CTNNA2: variants seen among roughly 807,000 people sequenced by gnomAD.
The protein encoded by CTNNA2 is catenin alpha-2.
A neutral mutation model predicts 101.0 loss-of-function variants in CTNNA2; 42 were observed. The ratio of observed to expected loss-of-function variants is 0.42; its 90% CI spans 0.32 to 0.54. The LOEUF is 0.54. Among genes scored for constraint, CTNNA2 ranks in the 20% least tolerant of loss-of-function variants. The probability of loss-of-function intolerance (pLI) is 0.14; values close to 1 mark genes in which losing one functional copy is unlikely to be tolerated. For missense variants in CTNNA2, 871 were observed against 1,223.1 expected (o/e 0.71, Z 4.29); for synonymous variants, 450 against 456.4 (o/e 0.99, Z 0.18).
chr2:80,346,527 C>A lies in CTNNA2; in HGVS notation c.1057-46684C>A, dbSNP rs115317155. Among the ~76,000 whole-genome samples the A allele has an allele frequency of 2.1e-3, 316 of 152,306 alleles. 6 individuals carry two copies. The South Asian group carries it at 0.023, about 11-fold the overall frequency. ...GTCCACCCTCCAACATTGGGGATTA[C>A]AATTCAACATGAAATTGGGGTGGGG... On this transcript the variant is annotated intron_variant, in intron 7 of 18. Transcript: ENST00000402739.
At chr2:80,463,051 C>T (rs955562992) in intron 9 of CTNNA2, among the ~76,000 whole-genome samples, 1 of 152,138 alleles carries the variant, frequency 6.6e-6, no homozygotes, top group African/African-American at 2.4e-5. Context: ...TTTTACCTGA[C>T]TCCCTAGGAG....
intron 7 of CTNNA2, among the ~76,000 whole-genome samples, chr2:79,979,249 G>C (rs1691084425): frequency 6.6e-6 from 1 of 152,264 alleles, no homozygotes; most frequent in South Asian, 2.1e-4. Flanking sequence ...CAGGTGCAGT[G>C]GTGCCTGCCT....
At chr2:79,526,250 C>CTA (rs1453814793) in intron 1 of CTNNA2, among the ~76,000 whole-genome samples, 1 of 151,822 alleles carries the variant, frequency 6.6e-6, no homozygotes, top group Non-Finnish European at 1.5e-5. Context: ...ATAAAACAAT[C>CTA]TATACTGTTA....
intron 6 of CTNNA2, among the ~76,000 whole-genome samples, chr2:79,894,060 TTCTTCC>T (rs1458329865): frequency 4.7e-4 from 26 of 55,260 alleles, no homozygotes; most frequent in African/African-American, 1.3e-3. Flanking sequence ...CTTCTTCTTC[TTCTTCC>T]TCCTCCTCCT....
intron 7 of CTNNA2, among the ~76,000 whole-genome samples, chr2:80,036,133 A>T (rs1695634145): frequency 6.6e-6 from 1 of 152,344 alleles, no homozygotes; most frequent in South Asian, 2.1e-4. Flanking sequence ...GGATAGAAGC[A>T]GTGCGATAAT....
At chr2:80,153,552 C>T (rs1178478046) in intron 7 of CTNNA2, among the ~76,000 whole-genome samples, 1 of 152,156 alleles carries the variant, frequency 6.6e-6, no homozygotes, top group Non-Finnish European at 1.5e-5. Context: ...TTTCTCTTTG[C>T]ATCAGATCAG....
intron 7 of CTNNA2, among the ~76,000 whole-genome samples, chr2:80,367,327 C>G (rs944030817): frequency 1.3e-5 from 2 of 152,098 alleles, no homozygotes; most frequent in Non-Finnish European, 2.9e-5. Context: ...CTCCGACTGA[C>G]TAGTCTTGTA....
intron 7 of CTNNA2, among the ~76,000 whole-genome samples, chr2:80,066,733 A>G (rs1698007224): frequency 6.6e-6 from 1 of 152,216 alleles, no homozygotes; most frequent in Non-Finnish European, 1.5e-5. Flanking sequence ...TGCCACTACT[A>G]GCTGTATATC....
intron 7 of CTNNA2, among the ~76,000 whole-genome samples, chr2:80,240,505 G>C (rs564108030): frequency 1.3e-5 from 2 of 152,110 alleles, no homozygotes; most frequent in African/African-American, 2.4e-5. Flanking sequence ...ATTATCTCTC[G>C]AGTATAGCCC....
chr2:79,701,071 C>A (rs1316778573), intron 2 of CTNNA2, among the ~76,000 whole-genome samples: 2 of 152,046 alleles, frequency 1.3e-5, no homozygotes, highest in Non-Finnish European at 2.9e-5. Flanking sequence ...TTTTTAGAAT[C>A]CATGAGAATA....
rs1671121016 is a variant in CTNNA2, at chr2:79,482,612, GTTCC to G, written c.-134-22440_-134-22437del. Among the ~76,000 whole-genome samples the G allele has an allele frequency of 1.3e-5, 2 of 152,020 alleles. 1 individual carries two copies. The highest frequency in any genetic ancestry group is 4.1e-4 in the South Asian group (2 of 4,826). On this transcript the variant is annotated intron_variant, in intron 4 of 21. Coordinates refer to the CTNNA2 transcript ENST00000466387. ...AAAATGAGAGCATCATATTGTTCCA[GTTCC>G]TATCTCAGAACTCTATTCAAAGAGG...
intron 7 of CTNNA2, among the ~76,000 whole-genome samples, chr2:80,056,667 C>T (rs1456390111): frequency 5.3e-5 from 8 of 152,140 alleles, no homozygotes; most frequent in Non-Finnish European, 2.9e-5. Context: ...TTTGCTTTAT[C>T]GCCCAATGCA....
At chr2:79,850,637 A>C (rs527724861) in intron 3 of CTNNA2, among the ~76,000 whole-genome samples, 1 of 152,328 alleles carries the variant, frequency 6.6e-6, no homozygotes, top group Non-Finnish European at 1.5e-5. Flanking sequence ...CCGCAGAGCC[A>C]GACAGATTTT....
chr2:80,611,584 C>T (rs1365144322), intron 17 of CTNNA2, among the ~76,000 whole-genome samples: 1 of 151,426 alleles, frequency 6.6e-6, no homozygotes, highest in Non-Finnish European at 1.5e-5. Flanking sequence ...TGCTAGGTTT[C>T]ACAGGGTTTA....
chr2:80,231,723 T>C (rs1362674688), intron 7 of CTNNA2, among the ~76,000 whole-genome samples: 1 of 152,166 alleles, frequency 6.6e-6, no homozygotes, highest in Non-Finnish European at 1.5e-5. Flanking sequence ...TAGCATCACA[T>C]GACAGACAGC....
Position 80,305,453 on chromosome 2 carries a change from C to G in CTNNA2, c.1057-87758C>G, listed in dbSNP as rs545173716. On this transcript the variant is annotated intron_variant, in intron 7 of 18. Transcript: ENST00000402739. ...CTGACATGGGGAGGGCTTACCCTGA[C>G]TTGTGCTGTTCATGGTGATTACTGG... is the stretch of plus-strand genomic sequence containing the variant. 19 of 881,288 alleles carry G rather than the reference C, an allele frequency of 2.2e-5. No individual in the cohort carries two copies. In the South Asian group the frequency reaches 9.4e-4, roughly 44 times the overall value. 54.6% of individuals were successfully genotyped at this position (881,288 alleles called of 1,614,324 possible).
intron 2 of CTNNA2, among the ~76,000 whole-genome samples, chr2:79,280,024 T>C (rs938035445): frequency 6.6e-6 from 1 of 152,128 alleles, no homozygotes; most frequent in Admixed American, 6.6e-5. Flanking sequence ...CGCAAACTTA[T>C]TTGCATGTCT....
chr2:79,322,149 C>G lies in CTNNA2; in HGVS notation c.-318+9353C>G, dbSNP rs556408699. On this transcript the variant is annotated intron_variant, in intron 3 of 21. Coordinates refer to the CTNNA2 transcript ENST00000466387. ...AAGAGCTATCCTGGAAATGATCCCC[C>G]AGTCCGAGATTACCCTCCCGAAGGA... 3.3e-5 allele frequency among the ~76,000 whole-genome samples: 5 copies of G among 152,298 alleles called. No individual in the cohort carries two copies. In the South Asian group the frequency reaches 1.0e-3, roughly 32 times the overall value.
chr2:79,829,068 G>A (rs1269558867), intron 3 of CTNNA2, among the ~76,000 whole-genome samples: 2 of 152,074 alleles, frequency 1.3e-5, no homozygotes, highest in African/African-American at 2.4e-5. Context: ...ATTTAAGAGG[G>A]GTCAGTGTCT....
Sources: gnomAD v4.1 joint callset for allele counts (sites outside exome capture counted in the v4.1 genomes callset) on GRCh38, gnomAD v4.1.1 for gene constraint, MANE v1.5 for transcripts, NCBI Gene and HGNC (gene_info 2026-07-23, HGNC 2026-07-21) for gene names.